The following DNAH3 variants were observed in gnomAD, a reference collection of about 807,000 sequenced individuals.
DNAH3 encodes the protein axonemal beta dynein heavy chain 3.
In DNAH3, 332 loss-of-function variants were observed where a neutral mutation model predicts 432.5. The ratio of observed to expected loss-of-function variants is 0.77; its 90% CI spans 0.70 to 0.84. The LOEUF (loss-of-function observed/expected upper bound fraction) is 0.84, where lower values mean the gene tolerates loss of function less well. Among genes scored for constraint, DNAH3 ranks in the 40% least tolerant of loss-of-function variants. The pLI is 0.00. For synonymous variants in DNAH3, 1,956 were observed against 1,900.2 expected, an observed-to-expected ratio of 1.03 and a Z score of -0.76; for missense variants, 4,861 against 5,114.0, an observed-to-expected ratio of 0.95 and a Z score of 1.51.
At chr16:21,133,132 G>T (rs1158505317) in intron 7 of DNAH3, among the ~76,000 whole-genome samples, 1 of 151,946 alleles carries the variant, frequency 6.6e-6, no homozygotes, top group East Asian at 1.9e-4. Flanking sequence ...TGGGTGGATT[G>T]CTTGAGCTTA....
At chr16:21,053,897 C>T (rs569591399) in intron 28 of DNAH3, among the ~76,000 whole-genome samples, 1 of 152,094 alleles carries the variant, frequency 6.6e-6, no homozygotes, top group South Asian at 2.1e-4. Context: ...CATCCTCTCT[C>T]ACCACCCACT....
intron 60 of DNAH3, among the ~76,000 whole-genome samples, chr16:20,936,087 TA>T (rs2083578364): frequency 6.6e-6 from 1 of 152,174 alleles, no homozygotes; most frequent in Non-Finnish European, 1.5e-5. Flanking sequence ...CAAAAATGTT[TA>T]AATTACCAGG....
At position 21,037,747 on chromosome 16, in the gene DNAH3, G is replaced by A. The variant is rs1039027193; in HGVS notation, c.4950+14C>T. ...AGCCTTGGTCCTCGGCCAAGGTCCT[G>A]AACCGCTACATACCTGAAACAGAGG... is the stretch of plus-strand genomic sequence containing the variant. On this transcript the variant is annotated intron_variant, in intron 34 of 61. Transcript: ENST00000261383. The A allele has an allele frequency of 1.2e-6, 2 of 1,613,096 alleles. No individual in the cohort carries two copies. The highest frequency in any genetic ancestry group is 2.2e-5 in the East Asian group (1 of 44,870).
At chr16:21,077,968 C>T (rs1207336365) in intron 20 of DNAH3, among the ~76,000 whole-genome samples, 2 of 152,058 alleles carry the variant, frequency 1.3e-5, no homozygotes, top group Non-Finnish European at 2.9e-5. Flanking sequence ...TCTCCCTTCT[C>T]TTACTTAGAA....
chr16:21,111,935 A>T (rs578065116), intron 13 of DNAH3, 58 bp downstream of exon 13: 295 of 1,552,900 alleles, frequency 1.9e-4, no homozygotes, highest in Non-Finnish European at 2.4e-4. Flanking sequence ...CTAACTGCTC[A>T]TTGGATTGTC....
intron 41 of DNAH3, 36 bp from the exon 42 acceptor site, chr16:21,003,243 T>C: frequency 7.0e-7 from 1 of 1,436,760 alleles, no homozygotes; most frequent in East Asian, 2.3e-5. Flanking sequence ...CATTAGCACA[T>C]GAAGGCTTTA....
chr16:21,053,299 G>A (rs968790543), intron 28 of DNAH3, among the ~76,000 whole-genome samples: 3 of 152,140 alleles, frequency 2.0e-5, no homozygotes, highest in African/African-American at 7.2e-5. Context: ...CCTGGCTCTT[G>A]GGTGAATATA....
chr16:21,107,883 G>C (rs1415638266), intron 14 of DNAH3, among the ~76,000 whole-genome samples: 2 of 150,580 alleles, frequency 1.3e-5, no homozygotes, highest in South Asian at 4.2e-4. Context: ...TCTTTTTTGA[G>C]ATGGAGTCTT....
chr16:21,136,275 G>T, intron 6 of DNAH3, 49 bp downstream of exon 7: 2 of 1,520,212 alleles, frequency 1.3e-6, no homozygotes, highest in Non-Finnish European at 1.8e-6. Flanking sequence ...AAAAGAAGGT[G>T]CCCTCTACAT....
At chr16:21,051,328 C>A (rs1378531967) in intron 29 of DNAH3, among the ~76,000 whole-genome samples, 2 of 152,142 alleles carry the variant, frequency 1.3e-5, no homozygotes, top group Non-Finnish European at 2.9e-5. Flanking sequence ...ACGTTCTTGA[C>A]CTCACTTCTT....
intron 1 of DNAH3, among the ~76,000 whole-genome samples, chr16:21,151,273 G>T (rs1009502984): frequency 6.6e-6 from 1 of 151,570 alleles, no homozygotes; most frequent in Non-Finnish European, 1.5e-5. Flanking sequence ...TGTACAGAGC[G>T]ATTTGCATAT....
At chr16:21,085,092 G>T (rs974917462) in intron 19 of DNAH3, among the ~76,000 whole-genome samples, 2 of 151,836 alleles carry the variant, frequency 1.3e-5, no homozygotes, top group East Asian at 3.9e-4. Context: ...AAAACCAGAA[G>T]TCATGGCCAG....
chr16:21,058,398 A>G (rs1233199578), intron 26 of DNAH3, among the ~76,000 whole-genome samples: 1 of 152,198 alleles, frequency 6.6e-6, no homozygotes, highest in Non-Finnish European at 1.5e-5. Context: ...AAGAAAAAAC[A>G]CCAATCATCT....
At chr16:20,964,014 A>G in exon 53 of DNAH3, 2 of 1,614,164 alleles carry the variant, frequency 1.2e-6, no homozygotes, top group Non-Finnish European at 1.7e-6. Context: ...AGCCCATCCG[A>G]GTCTCGTCAA....
intron 37 of DNAH3, among the ~76,000 whole-genome samples, chr16:21,030,136 T>C (rs772097877): frequency 6.6e-6 from 1 of 152,294 alleles, no homozygotes. Flanking sequence ...CCATATGCAC[T>C]TTTGCAATGT....
intron 59 of DNAH3, among the ~76,000 whole-genome samples, chr16:20,938,479 C>T (rs1462837134): frequency 6.6e-6 from 1 of 151,848 alleles, no homozygotes; most frequent in Non-Finnish European, 1.5e-5. Flanking sequence ...GATTACACCA[C>T]AGACCTCTAT....
chr16:21,124,344 T>C (rs1310124748), intron 9 of DNAH3, among the ~76,000 whole-genome samples: 1 of 152,222 alleles, frequency 6.6e-6, no homozygotes, highest in Non-Finnish European at 1.5e-5. Flanking sequence ...AAGACATATG[T>C]CTTTCATTTT....
At chr16:21,066,718 G>A (rs900972911) in intron 24 of DNAH3, among the ~76,000 whole-genome samples, 2 of 152,030 alleles carry the variant, frequency 1.3e-5, no homozygotes, top group Non-Finnish European at 1.5e-5. Context: ...ATTGGTTCTT[G>A]TGTGGAAAAA....
intron 23 of DNAH3, among the ~76,000 whole-genome samples, chr16:21,068,166 A>G (rs1251106388): frequency 6.6e-6 from 1 of 152,212 alleles, no homozygotes; most frequent in Non-Finnish European, 1.5e-5. Flanking sequence ...ATTTGACCTC[A>G]TAAAAGATCC....
Sources: allele counts gnomAD v4.1 joint callset (sites outside exome capture counted in the v4.1 genomes callset), GRCh38; gene constraint gnomAD v4.1.1; transcripts MANE v1.5; gene names NCBI Gene and HGNC (gene_info 2026-07-23, HGNC 2026-07-21).